Variants in NRXN1 observed in about 807,000 individuals in gnomAD.
NRXN1 encodes the protein neurexin-1.
In NRXN1, 39 loss-of-function variants were observed where a neutral mutation model predicts 150.9. The observed-to-expected ratio is 0.26, with a 90% CI of 0.20 to 0.34. The LOEUF (loss-of-function observed/expected upper bound fraction) is 0.34, where lower values mean the gene tolerates loss of function less well. NRXN1 is among the 10% of genes least tolerant of loss of function. The pLI is 1.00. For missense variants in NRXN1, 1,815 were observed against 1,949.9 expected (o/e 0.93, Z 1.30); for synonymous variants, 924 against 757.0 (o/e 1.22, Z -3.62).
At chr2:50,082,515 T>C (rs985304703) in intron 19 of NRXN1, among the ~76,000 whole-genome samples, 2 of 152,236 alleles carry the variant, frequency 1.3e-5, no homozygotes, top group South Asian at 2.1e-4. Context: ...TAATGATTAA[T>C]AAACATTTCT....
In NRXN1 at chr2:49,921,839, C is replaced by T. The variant is rs1008869701; in HGVS notation, c.*105G>A. 2.0e-5 allele frequency: 23 copies of T among 1,137,836 alleles called. No individual in the cohort carries two copies. The East Asian group carries it at 4.7e-4, about 23-fold the overall frequency. 70.5% of individuals were successfully genotyped at this position (1,137,836 alleles called of 1,614,324 possible). A position where few individuals can be genotyped will look rare whatever the true frequency, so the allele number is the denominator to read the frequency against. On this transcript the variant is annotated 3_prime_UTR_variant, in exon 23 of 23. Transcript: ENST00000401669. ...TTTCCTTCCTGATTGCATTCCCTGT[C>T]TTCTTTTGTATGTGCTTCATAAAAA...
chr2:50,167,622 A>T (rs905310953), intron 18 of NRXN1, among the ~76,000 whole-genome samples: 7 of 152,176 alleles, frequency 4.6e-5, no homozygotes, highest in African/African-American at 1.7e-4. Flanking sequence ...GTATTATCAA[A>T]GAGCTAATTT....
chr2:50,638,863 G>A (rs1372563513), intron 5 of NRXN1, among the ~76,000 whole-genome samples: 2 of 152,062 alleles, frequency 1.3e-5, no homozygotes, highest in African/African-American at 4.8e-5. Flanking sequence ...ACAAGTTAAA[G>A]AGATCTTCCA....
chr2:50,142,698 A>G (rs1417799183), intron 18 of NRXN1, among the ~76,000 whole-genome samples: 1 of 151,972 alleles, frequency 6.6e-6, no homozygotes, highest in Non-Finnish European at 1.5e-5. Context: ...ATGCTAAAAA[A>G]TTTATCAGAC....
intron 18 of NRXN1, among the ~76,000 whole-genome samples, chr2:50,104,565 G>T (rs761733879): frequency 2.0e-5 from 3 of 152,026 alleles, no homozygotes; most frequent in Admixed American, 6.6e-5. Context: ...TGATGATAAT[G>T]ATGATGATAG....
chr2:50,802,059 C>T (rs998507431), intron 5 of NRXN1, among the ~76,000 whole-genome samples: 6 of 152,160 alleles, frequency 3.9e-5, no homozygotes, highest in South Asian at 4.1e-4. Context: ...AAAAATCAAA[C>T]CCAACAAAAG....
rs182173088 is a variant in NRXN1, at chr2:50,898,736, G to A, written c.832+23133C>T. On this transcript the variant is annotated intron_variant, in intron 5 of 22. Coordinates refer to ENST00000401669, the MANE Select transcript of NRXN1 (RefSeq NM_001330078.2). ...TATAATTTATTCTTCAGAAATGAAT[G>A]CTTTGAAAATACATTTAAATAAGTG... 6.0e-5 allele frequency: 18 copies of A among 301,822 alleles called. 1 individual carries two copies. In the East Asian group the frequency reaches 1.8e-3, roughly 30 times the overall value. 18.7% of individuals were successfully genotyped at this position (301,822 alleles called of 1,614,324 possible).
chr2:51,014,410 TA>T (rs934739029), intron 2 of NRXN1, among the ~76,000 whole-genome samples: 17 of 151,924 alleles, frequency 1.1e-4, no homozygotes, highest in African/African-American at 2.9e-4. Flanking sequence ...ACTGAAGACA[TA>T]AAAAAATTAA....
At chr2:50,703,893 C>A (rs554064015) in intron 5 of NRXN1, among the ~76,000 whole-genome samples, 5 of 151,938 alleles carry the variant, frequency 3.3e-5, no homozygotes, top group African/African-American at 1.2e-4. Context: ...ATCGTTTCTA[C>A]GTGGTAAAGG....
chr2:50,692,352 C>G (rs1692201462), intron 5 of NRXN1, among the ~76,000 whole-genome samples: 1 of 152,140 alleles, frequency 6.6e-6, no homozygotes, highest in Non-Finnish European at 1.5e-5. Context: ...TGATAACACA[C>G]TAACATGCTA....
At chr2:50,941,614 G>C (rs1689458534) in intron 2 of NRXN1, among the ~76,000 whole-genome samples, 1 of 152,144 alleles carries the variant, frequency 6.6e-6, no homozygotes. Context: ...GTGGAACTTT[G>C]AATTTAAAAG....
At chr2:50,210,736 G>T (rs2062955719) in intron 18 of NRXN1, among the ~76,000 whole-genome samples, 1 of 151,442 alleles carries the variant, frequency 6.6e-6, no homozygotes, top group Admixed American at 6.6e-5. Flanking sequence ...TTTTAAAGCA[G>T]TAGTAGAAAA....
chr2:50,125,810 T>C (rs1049048547), intron 18 of NRXN1, among the ~76,000 whole-genome samples: 3 of 152,086 alleles, frequency 2.0e-5, no homozygotes, highest in Non-Finnish European at 4.4e-5. Flanking sequence ...CACTCATATG[T>C]GGGTAATATG....
At chr2:50,095,441 G>A (rs1028891618) in intron 18 of NRXN1, among the ~76,000 whole-genome samples, 5 of 152,056 alleles carry the variant, frequency 3.3e-5, no homozygotes, top group Non-Finnish European at 5.9e-5. Flanking sequence ...GGATACACTG[G>A]AAAAAATTCT....
Position 51,028,255 on chromosome 2 carries a change from G to T in NRXN1, c.19C>A (p.Gln7Lys). The T allele has an allele frequency of 6.9e-7, 1 of 1,456,596 alleles. No homozygotes were observed. The highest frequency in any genetic ancestry group is 9.0e-7 in the Non-Finnish European group (1 of 1,110,998). 90.2% of individuals were successfully genotyped at this position (1,456,596 alleles called of 1,614,324 possible). A position where few individuals can be genotyped will look rare whatever the true frequency, so the allele number is the denominator to read the frequency against. The part of the protein sequence containing the change: MGTALL[Q>K]RGGCFLLCLS... The stretch of plus-strand genomic sequence containing the variant: ...CACAGAAGAAAACAGCCCCCGCGCT[G>T]GAGCAGCGCCGTCCCCATGCTCGGG... Residue 7 changes from glutamine to lysine, a missense_variant, in exon 2 of 23, where the codon CAG becomes AAG. By Grantham distance (53) the Gln-to-Lys change is moderately conservative (BLOSUM62 1). Transcript: ENST00000401669.
intron 18 of NRXN1, among the ~76,000 whole-genome samples, chr2:50,179,638 T>C (rs183390393): frequency 9.5e-4 from 145 of 152,306 alleles, no homozygotes; most frequent in African/African-American, 3.3e-3. Flanking sequence ...TACCTCATTA[T>C]AACATGCTAC....
At chr2:50,026,523 A>T (rs1432719748) in intron 21 of NRXN1, among the ~76,000 whole-genome samples, 2 of 152,160 alleles carry the variant, frequency 1.3e-5, no homozygotes, top group South Asian at 4.1e-4. Context: ...CATTTCATCA[A>T]TTACAAAACA....
intron 5 of NRXN1, among the ~76,000 whole-genome samples, chr2:50,676,497 A>G (rs920740492): frequency 1.3e-5 from 2 of 152,162 alleles, no homozygotes; most frequent in African/African-American, 2.4e-5. Flanking sequence ...AATTGGGATG[A>G]CTACTTATTC....
At chr2:50,049,297 T>A (rs1692324137) in intron 21 of NRXN1, among the ~76,000 whole-genome samples, 1 of 152,122 alleles carries the variant, frequency 6.6e-6, no homozygotes. Flanking sequence ...TGGTAAATAA[T>A]CATGAGAAGA....
Sources: gnomAD v4.1 joint callset for allele counts (sites outside exome capture counted in the v4.1 genomes callset) on GRCh38, gnomAD v4.1.1 for gene constraint, MANE v1.5 for transcripts, NCBI Gene and HGNC (gene_info 2026-07-23, HGNC 2026-07-21) for gene names.